CDX4: variants seen among roughly 807,000 people sequenced by gnomAD.
CDX4 encodes caudal type homeobox 4.
Under a neutral mutation model 14.1 loss-of-function variants are expected in CDX4, and 11 were observed. That is an observed-to-expected ratio of 0.78 (90% CI 0.49 to 1.29). The LOEUF (loss-of-function observed/expected upper bound fraction) is 1.29. Ranked by LOEUF, CDX4 falls within the 50% of genes most tolerant of loss-of-function variation. The pLI, the probability that CDX4 is intolerant of heterozygous loss-of-function variation, is 0.00. For synonymous variants in CDX4, 100 were observed against 93.5 expected (o/e 1.07, Z -0.40); for missense variants, 257 against 237.4 (o/e 1.08, Z -0.54).
At chrX:73,450,870 A>G (rs1177867770) in intron 1 of CDX4, among the ~76,000 whole-genome samples, 2 of 111,564 alleles carry the variant, frequency 1.8e-5, no homozygotes, top group East Asian at 5.6e-4. Flanking sequence ...TCTGCCTAGC[A>G]GCACTTTTGC....
Position 73,447,253 on chromosome X carries a change from G to A in CDX4, c.-1G>A. The A allele has an allele frequency of 8.3e-7, 1 of 1,204,450 alleles. No homozygotes were observed. The highest frequency in any genetic ancestry group is 3.0e-5 in the East Asian group (1 of 33,653). The stretch of plus-strand genomic sequence containing the variant: ...AGGGAGCGCCTTCTACCCAAGACAC[G>A]ATGTACGGAAGCTGTCTTTTGGAGA... On this transcript the variant is annotated 5_prime_UTR_variant, in exon 1 of 3. Transcript: ENST00000373514.
At position 73,447,425 on chromosome X, in the gene CDX4, C is replaced by CT; in HGVS notation, c.172_173insT (p.His58LeufsTer34). 1.7e-6 allele frequency: 2 copies of CT among 1,211,251 alleles called. No homozygotes were observed. The highest frequency in any genetic ancestry group is 2.2e-6 in the Non-Finnish European group (2 of 895,099). On this transcript the variant is annotated frameshift_variant, in exon 1 of 3. Coordinates refer to ENST00000373514, the MANE Select transcript of CDX4 (RefSeq NM_005193.2). LOFTEE classifies it high-confidence loss of function. The stretch of plus-strand genomic sequence containing the variant: ...TTTCTCGCACTATATGGGGTATCCT[C>CT]ATATGCCCAGCATGGATCCTCACTG...
intron 1 of CDX4, among the ~76,000 whole-genome samples, chrX:73,448,336 G>A (rs911953012): frequency 9.0e-6 from 1 of 111,689 alleles, no homozygotes; most frequent in African/African-American, 3.3e-5. Flanking sequence ...TCTCAGGGAA[G>A]CTCCAGCTTC....
chrX:73,450,017 T>G (rs2057082328), intron 1 of CDX4, among the ~76,000 whole-genome samples: 1 of 112,080 alleles, frequency 8.9e-6, no homozygotes, highest in African/African-American at 3.2e-5. Flanking sequence ...CTCCTAAATT[T>G]TCCACTTCAC....
rs757329545 is a variant in CDX4 at position 73,453,584 on chromosome X, G to A, written c.570G>A (p.Lys190=). The part of the protein sequence containing the change: ...YTDHQRLELE[K]EFHCNRYITI... Reference sequence around the variant, plus strand: ...ATCATCAAAGATTGGAGCTGGAAAAGGAATTCCATTGCAATAGATATATCA... The same window carrying A: ...ATCATCAAAGATTGGAGCTGGAAAAAGAATTCCATTGCAATAGATATATCA... Residue 190 remains lysine, a synonymous_variant, in exon 2 of 3, where the codon AAG becomes AAA. Coordinates refer to ENST00000373514, the MANE Select transcript of CDX4 (RefSeq NM_005193.2). 9 of 1,200,315 alleles carry A rather than the reference G, an allele frequency of 7.5e-6. No individual in the cohort carries two copies. Among genetic ancestry groups the A allele is most frequent in the Non-Finnish European group, 1.0e-5 (9 of 887,058 alleles).
At chrX:73,453,749 G>A in intron 2 of CDX4, 87 bp downstream of exon 2, 1 of 806,965 alleles carries the variant, frequency 1.2e-6, no homozygotes. Flanking sequence ...TTAATGCATT[G>A]CCTTATCCCA....
At chrX:73,453,037 A>G (rs1317426991) in intron 1 of CDX4, among the ~76,000 whole-genome samples, 1 of 111,934 alleles carries the variant, frequency 8.9e-6, no homozygotes, top group East Asian at 2.8e-4. Context: ...TTTAATAGGA[A>G]CAGTATGAAA....
rs778407288 is a variant in CDX4, at chrX:73,447,222, T to C, written c.-32T>C. On this transcript the variant is annotated 5_prime_UTR_variant, in exon 1 of 3. The change abolishes an upstream ATG in the 5' untranslated region. Transcript: ENST00000373514. Reference sequence around the variant, plus strand: ...TTGGGGCCTTACAGGGACTTCAGGATGGCTTAGGGAGCGCCTTCTACCCAA... The same window carrying C: ...TTGGGGCCTTACAGGGACTTCAGGACGGCTTAGGGAGCGCCTTCTACCCAA... 8.4e-7 allele frequency: 1 copy of C among 1,186,082 alleles called. No homozygotes were observed. The highest frequency in any genetic ancestry group is 1.1e-6 in the Non-Finnish European group (1 of 880,758).
chrX:73,451,859 A>C lies in CDX4; in HGVS notation c.503-1658A>C, dbSNP rs949337931. On this transcript the variant is annotated intron_variant, in intron 1 of 2. Coordinates refer to ENST00000373514, the MANE Select transcript of CDX4 (RefSeq NM_005193.2). ...GATTTGATGTTCTAGAAATAAATTA[A>C]ATCTCCAAGTTTTCATTTTTTTCTC... Among the ~76,000 whole-genome samples the C allele has an allele frequency of 1.1e-4, 12 of 112,114 alleles. No homozygotes were observed. The South Asian group carries it at 1.8e-3, about 17-fold the overall frequency.
intron 2 of CDX4, 151 bp from the exon 3 acceptor site, chrX:73,454,228 T>C: frequency 2.2e-6 from 1 of 457,244 alleles, no homozygotes; most frequent in Non-Finnish European, 3.8e-6. Flanking sequence ...GCTTTTTTTC[T>C]AACCTGTTAA....
intron 2 of CDX4, 93 bp from the exon 3 acceptor site, chrX:73,454,286 A>C (rs1156235661): frequency 3.5e-6 from 2 of 576,675 alleles, no homozygotes; most frequent in African/African-American, 4.6e-5. Context: ...GAAGTGATGC[A>C]TATGAAAGGG....
chrX:73,454,749 T>C lies in CDX4; in HGVS notation c.*164T>C. On this transcript the variant is annotated 3_prime_UTR_variant, in exon 3 of 3. Coordinates refer to ENST00000373514, the MANE Select transcript of CDX4 (RefSeq NM_005193.2). ...AGATAATTTAGGGGACTCTTACTTT[T>C]AGAAACTATCCCCAGAAAACTCCTG... 1 of 435,977 alleles carries C rather than the reference T, an allele frequency of 2.3e-6. No individual in the cohort carries two copies. Among genetic ancestry groups the C allele is most frequent in the Non-Finnish European group, 4.0e-6 (1 of 252,537 alleles). The allele number at this position is 435,977 out of a possible 1,213,427, so 35.9% of individuals were successfully genotyped here.
At chrX:73,451,124 T>C (rs925518521) in intron 1 of CDX4, among the ~76,000 whole-genome samples, 7 of 111,431 alleles carry the variant, frequency 6.3e-5, no homozygotes, top group African/African-American at 2.3e-4. Flanking sequence ...CCCTCAGAAA[T>C]GTCATAGTCT....
chrX:73,449,587 G>T (rs1019553447), intron 1 of CDX4, among the ~76,000 whole-genome samples: 1 of 111,691 alleles, frequency 9.0e-6, no homozygotes, highest in African/African-American at 3.3e-5. Context: ...AAAATGGAAT[G>T]ATATTGGAAC....
At position 73,454,663 on chromosome X, in the gene CDX4, G is replaced by A. The variant is rs1010037055; in HGVS notation, c.*78G>A. The stretch of plus-strand genomic sequence containing the variant: ...TCTCTAAGCTATCTACAGGGGAGTT[G>A]GAGCAGGGTGTAATTCCCTGTAAGG... On this transcript the variant is annotated 3_prime_UTR_variant, in exon 3 of 3. Coordinates refer to ENST00000373514, the MANE Select transcript of CDX4 (RefSeq NM_005193.2). 8 of 697,576 alleles carry A rather than the reference G, an allele frequency of 1.1e-5. No homozygotes were observed. In the African/African-American group the frequency reaches 1.7e-4, roughly 15 times the overall value. 57.5% of individuals were successfully genotyped at this position (697,576 alleles called of 1,213,427 possible).
In CDX4 at chrX:73,448,705, G is replaced by A. The variant is rs2057078636; in HGVS notation, c.502+950G>A. 3.6e-5 allele frequency among the ~76,000 whole-genome samples: 4 copies of A among 112,119 alleles called. No individual in the cohort carries two copies. In the Admixed American group the frequency reaches 3.8e-4, roughly 11 times the overall value. ...GGCCGTTCCACTTTAATCTTAACCG[G>A]GGCTGGGGGAGGAATGTTTGTTTTC... On this transcript the variant is annotated intron_variant, in intron 1 of 2. Transcript: ENST00000373514.
At chrX:73,449,369 GA>G (rs948800346) in intron 1 of CDX4, among the ~76,000 whole-genome samples, 1 of 112,226 alleles carries the variant, frequency 8.9e-6, no homozygotes, top group Non-Finnish European at 1.9e-5. Flanking sequence ...TTCTATTTAT[GA>G]GGAAAAATAT....
At chrX:73,450,817 A>G (rs2057084669) in intron 1 of CDX4, among the ~76,000 whole-genome samples, 1 of 111,776 alleles carries the variant, frequency 8.9e-6, no homozygotes, top group Admixed American at 9.5e-5. Context: ...TAATCTTTAC[A>G]TTCACTCCCA....
intron 2 of CDX4, 38 bp downstream of exon 2, chrX:73,453,700 C>T: frequency 9.0e-7 from 1 of 1,116,246 alleles, no homozygotes; most frequent in Non-Finnish European, 1.2e-6. Context: ...CCGTATAGTC[C>T]ATTTCAATAG....
Sources: gnomAD v4.1 joint callset for allele counts (sites outside exome capture counted in the v4.1 genomes callset) on GRCh38, gnomAD v4.1.1 for gene constraint, MANE v1.5 for transcripts, NCBI Gene and HGNC (gene_info 2026-07-23, HGNC 2026-07-21) for gene names.